The following OTOG variants were observed in gnomAD, a reference collection of about 807,000 sequenced individuals.
OTOG encodes the protein otogelin.
Under a neutral mutation model 313.8 loss-of-function variants are expected in OTOG, and 296 were observed. The ratio of observed to expected loss-of-function variants is 0.94; its 90% CI spans 0.86 to 1.04. OTOG has a LOEUF of 1.04. Among genes scored for constraint, OTOG ranks in the 50% least tolerant of loss-of-function variants. The probability of loss-of-function intolerance (pLI) is 0.00; values close to 1 mark genes in which losing one functional copy is unlikely to be tolerated. For missense variants in OTOG, 3,948 were observed against 3,840.1 expected, an observed-to-expected ratio of 1.03 and a Z score of -0.74; for synonymous variants, 1,533 against 1,554.9, an observed-to-expected ratio of 0.99 and a Z score of 0.33.
At chr11:17,613,269 C>CTTTCTTTCTT (rs1278102820) in intron 38 of OTOG, among the ~76,000 whole-genome samples, 6 of 89,692 alleles carry the variant, frequency 6.7e-5, no homozygotes, top group East Asian at 8.8e-4. Context: ...CTTTCTTTCT[C>CTTTCTTTCTT]TCTCTGTCTG....
chr11:17,606,029 C>T lies in OTOG; in HGVS notation c.4050C>T (p.Ser1350=), dbSNP rs1853378264. The part of the protein sequence containing the change: ...TRQAGLVALE[S]LAKPSSFLYV... ...AGGCAGGCCTGGTGGCCCTGGAGTC[C>T]CTGGCCAAGCCCAGCTCCTTCCTCT... The change falls in exon 33 of 56, where the codon TCC becomes TCT. Residue 1350 remains serine, a synonymous_variant. Transcript: ENST00000399397. 2.1e-5 allele frequency: 33 copies of T among 1,550,530 alleles called. No individual in the cohort carries two copies. The highest frequency in any genetic ancestry group is 2.7e-5 in the Non-Finnish European group (31 of 1,146,984).
At chr11:17,615,683 C>G (rs1344704138) in intron 39 of OTOG, among the ~76,000 whole-genome samples, 1 of 152,190 alleles carries the variant, frequency 6.6e-6, no homozygotes, top group Non-Finnish European at 1.5e-5. Flanking sequence ...GTAATCTCAG[C>G]AGTTTGGGAG....
intron 32 of OTOG, among the ~76,000 whole-genome samples, chr11:17,603,827 G>A (rs927418645): frequency 6.6e-6 from 1 of 152,180 alleles, no homozygotes; most frequent in Non-Finnish European, 1.5e-5. Flanking sequence ...CCCGCTCTGG[G>A]GAGTCACCAC....
At chr11:17,634,384 C>A in intron 44 of OTOG, 103 bp downstream of exon 44, 1 of 1,272,244 alleles carries the variant, frequency 7.9e-7, no homozygotes, top group Non-Finnish European at 1.1e-6. Flanking sequence ...CTAGGAAAAG[C>A]AAAGTGTCTT....
At position 17,606,068 on chromosome 11, in the gene OTOG, G is replaced by A. The variant is rs1373740901; in HGVS notation, c.4089G>A (p.Ala1363=). 25 of 1,550,114 alleles carry A rather than the reference G, an allele frequency of 1.6e-5. No homozygotes were observed. Among genetic ancestry groups the A allele is most frequent in the African/African-American group, 6.8e-5 (5 of 73,040 alleles). ...KPSSFLYVSG[A]VLALRLYEHT... Reference sequence around the variant, plus strand: ...GCTCCTTCCTCTATGTGTCGGGCGCGGTGCTGGCCCTGCGGCTGTACGAAC... The same window carrying A: ...GCTCCTTCCTCTATGTGTCGGGCGCAGTGCTGGCCCTGCGGCTGTACGAAC... The change falls in exon 33 of 56, where the codon GCG becomes GCA. Residue 1363 remains alanine, a synonymous_variant. Coordinates refer to ENST00000399397, the MANE Select transcript of OTOG (RefSeq NM_001292063.2).
At chr11:17,560,567 T>G (rs890678428) in intron 12 of OTOG, 142 bp from the exon 13 acceptor site, 3 of 653,898 alleles carry the variant, frequency 4.6e-6, no homozygotes, top group African/African-American at 3.6e-5. Flanking sequence ...GAGCCAAGGA[T>G]TTATAGAGGA....
rs1013694969 is a variant in OTOG, at chr11:17,596,053, G to A, written c.3424G>A (p.Asp1142Asn). 7.1e-6 allele frequency: 11 copies of A among 1,550,756 alleles called. No homozygotes were observed. In the Admixed American group the frequency reaches 9.8e-5, roughly 14 times the overall value. Reference protein sequence around the residue: ...WAAVECPDTLDPRDMCVLNPL... With the variant: ...WAAVECPDTLNPRDMCVLNPL... ...TGCCCCTCAGTGCCCAGACACCCTC[G>A]ATCCTCGGGATATGTGTGTCCTGAA... Residue 1142 changes from aspartate to asparagine, a missense_variant, in exon 29 of 56, where the codon GAT (aspartate) becomes AAT (asparagine). Physicochemically the swap from Asp to Asn is conservative, Grantham distance 23. Transcript: ENST00000399397.
In OTOG at chr11:17,606,111, C is replaced by G. The variant is rs561534995; in HGVS notation, c.4132C>G (p.Arg1378Gly). Residue 1378 changes from arginine (R) to glycine (G), a missense_variant, in exon 33 of 56, where the codon CGG (arginine) becomes GGG (glycine). By Grantham distance (125) the Arg-to-Gly change is moderately radical (BLOSUM62 -2). Coordinates refer to ENST00000399397, the MANE Select transcript of OTOG (RefSeq NM_001292063.2). The part of the protein sequence containing the change: ...RLYEHTEVFR[R>G]GTLFRLLDAK... ...GTACGAACACACAGAGGTGTTCCGC[C>G]GGGGCACACTCTTCCGCCTTCTGGG... 5.2e-6 allele frequency: 8 copies of G among 1,543,286 alleles called. No homozygotes were observed. In the African/African-American group the frequency reaches 8.2e-5, roughly 16 times the overall value.
At position 17,632,122 on chromosome 11, in the gene OTOG, G is replaced by A. The variant is rs977047120; in HGVS notation, c.6968G>A (p.Arg2323Gln). ...PPESFCELWIRDTKYVQQPCV... is the reference protein window; with the variant it reads ...PPESFCELWIQDTKYVQQPCV... The stretch of plus-strand genomic sequence containing the variant: ...GAGTCATTCTGTGAGCTGTGGATCC[G>A]GGACACCAAGTACGTGCAGCAGCCC... Residue 2323 changes from arginine to glutamine, a missense_variant, in exon 42 of 56, where the codon CGG (arginine) becomes CAG (glutamine). Physicochemically the swap from Arg to Gln is conservative, Grantham distance 43. Coordinates refer to ENST00000399397, the MANE Select transcript of OTOG (RefSeq NM_001292063.2). The A allele has an allele frequency of 6.4e-6, 10 of 1,550,910 alleles. No homozygotes were observed. Among genetic ancestry groups the A allele is most frequent in the Admixed American group, 5.9e-5 (3 of 50,990 alleles).
Position 17,547,381 on chromosome 11 carries a change from C to G in OTOG, c.9C>G (p.Val3=). MG[V]LASALCWLLC... is the part of the protein sequence containing the mutation. ...GGTCCCCTCGTGTCCCTATGGGAGT[C>G]CTGGCGTCTGCGCTCTGCTGGCTGC... is the stretch of plus-strand genomic sequence containing the variant. The change falls in exon 1 of 56, where the codon GTC becomes GTG. Residue 3 remains valine (V), a synonymous_variant. Coordinates refer to ENST00000399397, the MANE Select transcript of OTOG (RefSeq NM_001292063.2). 1 of 1,408,038 alleles carries G rather than the reference C, an allele frequency of 7.1e-7. No individual in the cohort carries two copies. The highest frequency in any genetic ancestry group is 9.2e-7 in the Non-Finnish European group (1 of 1,087,370). 87.2% of individuals were successfully genotyped at this position (1,408,038 alleles called of 1,614,324 possible). A position where few individuals can be genotyped will look rare whatever the true frequency, so the allele number is the denominator to read the frequency against.
intron 33 of OTOG, among the ~76,000 whole-genome samples, chr11:17,606,741 G>A (rs1024739813): frequency 1.3e-5 from 2 of 152,226 alleles, no homozygotes; most frequent in Non-Finnish European, 2.9e-5. Context: ...TGGGGCTTGG[G>A]GGTACCTGTG....
At chr11:17,585,887 T>G (rs1220639431) in intron 23 of OTOG, among the ~76,000 whole-genome samples, 1 of 152,246 alleles carries the variant, frequency 6.6e-6, no homozygotes, top group Admixed American at 6.5e-5. Context: ...AGGTAGATCC[T>G]GGATTTGAAC....
chr11:17,619,488 G>T (rs772659604), intron 39 of OTOG, among the ~76,000 whole-genome samples: 2 of 151,090 alleles, frequency 1.3e-5, no homozygotes, highest in Non-Finnish European at 3.0e-5. Flanking sequence ...TCCTTTTTTT[G>T]CCTTCTTTGG....
At position 17,612,425 on chromosome 11, in the gene OTOG, C is replaced by T. The variant is rs1853584429; in HGVS notation, c.6292+95C>T. The T allele has an allele frequency of 4.2e-6, 6 of 1,431,742 alleles. No homozygotes were observed. In the Admixed American group the frequency reaches 1.2e-4, roughly 28 times the overall value. 88.7% of individuals were successfully genotyped at this position (1,431,742 alleles called of 1,614,324 possible). ...TGATCTGTGTGTCCCAGACTCCCCTCCTGTGGGACCCCGACCTGGCAGATT... is the reference window on the plus strand; with the variant it reads ...TGATCTGTGTGTCCCAGACTCCCCTTCTGTGGGACCCCGACCTGGCAGATT... On this transcript the variant is annotated intron_variant, in intron 37 of 55. Coordinates refer to ENST00000399397, the MANE Select transcript of OTOG (RefSeq NM_001292063.2).
intron 29 of OTOG, 79 bp from the exon 30 acceptor site, chr11:17,596,772 C>G (rs1356375667): frequency 7.6e-6 from 10 of 1,319,720 alleles, no homozygotes; most frequent in Non-Finnish European, 1.1e-5. Flanking sequence ...CATGTTGGTG[C>G]TGGTCGTCAT....
At chr11:17,611,460 G>T in intron 36 of OTOG, 37 bp downstream of exon 36, 2 of 1,469,954 alleles carry the variant, frequency 1.4e-6, no homozygotes, top group Middle Eastern at 1.8e-4. Flanking sequence ...ACCCGTATGT[G>T]ACCCTTCCCT....
chr11:17,548,310 C>G, intron 3 of OTOG, 98 bp downstream of exon 3: 3 of 1,066,714 alleles, frequency 2.8e-6, no homozygotes, highest in Non-Finnish European at 3.9e-6. Context: ...GGAGGGGTCT[C>G]TGGAGTTGTT....
intron 38 of OTOG, among the ~76,000 whole-genome samples, chr11:17,613,054 GA>G (rs1853602274): frequency 6.6e-6 from 1 of 152,180 alleles, no homozygotes; most frequent in African/African-American, 2.4e-5. Context: ...GAGGAGCTGG[GA>G]TGCCACTGCA....
chr11:17,557,091 C>A (rs1399909887), intron 7 of OTOG, 27 bp from the exon 8 acceptor site: 1 of 1,545,368 alleles, frequency 6.5e-7, no homozygotes, highest in Admixed American at 2.0e-5. Flanking sequence ...TTGTGGATAC[C>A]CTGAAGCTCT....
Sources: gnomAD v4.1 joint callset for allele counts (sites outside exome capture counted in the v4.1 genomes callset) on GRCh38, gnomAD v4.1.1 for gene constraint, MANE v1.5 for transcripts, NCBI Gene and HGNC (gene_info 2026-07-23, HGNC 2026-07-21) for gene names.